The following CEP350 variants were observed in gnomAD, a reference collection of about 807,000 sequenced individuals.
CEP350 encodes centrosomal protein 350.
A neutral mutation model predicts 331.8 loss-of-function variants in CEP350; 126 were observed. The ratio of observed to expected loss-of-function variants is 0.38; its 90% CI spans 0.33 to 0.44. The LOEUF (loss-of-function observed/expected upper bound fraction) is 0.44, where lower values mean the gene tolerates loss of function less well. Among genes scored for constraint, CEP350 ranks in the 20% least tolerant of loss-of-function variants. The pLI is 1.00. For missense variants in CEP350, 3,406 were observed against 3,634.6 expected (o/e 0.94, Z 1.62); for synonymous variants, 1,200 against 1,259.5 (o/e 0.95, Z 1.00).
chr1:180,062,533 CTGAA>C (rs1658286573), intron 26 of CEP350, among the ~76,000 whole-genome samples, 167 bp downstream of exon 26: 1 of 152,142 alleles, frequency 6.6e-6, no homozygotes, highest in South Asian at 2.1e-4. Context: ...GTTGCTATAA[CTGAA>C]TACCTAAGAC....
rs1270583674 is a variant in CEP350 at position 180,075,152 on chromosome 1, T to G, written c.5698T>G (p.Trp1900Gly). The G allele has an allele frequency of 1.7e-5, 27 of 1,613,480 alleles. No individual in the cohort carries two copies. The highest frequency in any genetic ancestry group is 2.3e-5 in the Non-Finnish European group (27 of 1,179,718). The change falls in exon 28 of 38, where the codon TGG becomes GGG. Residue 1900 changes from tryptophan (W) to glycine (G), a missense_variant. Coordinates refer to ENST00000367607, the MANE Select transcript of CEP350 (RefSeq NM_014810.5). ...RQMEKQALAA[W>G]DKELIKPKTP... ...AATGGAAAAACAAGCTTTGGCTGCCTGGGACAAAGAATTAATAAAACCCAA... is the reference window on the plus strand; with the variant it reads ...AATGGAAAAACAAGCTTTGGCTGCCGGGGACAAAGAATTAATAAAACCCAA...
chr1:180,078,743 T>C (rs1310069545), intron 29 of CEP350, 69 bp downstream of exon 29: 4 of 1,315,292 alleles, frequency 3.0e-6, no homozygotes, highest in Non-Finnish European at 4.2e-6. Flanking sequence ...TTAGCAGTTA[T>C]ATTATTGTAA....
chr1:180,012,767 G>A (rs78913976), intron 9 of CEP350, among the ~76,000 whole-genome samples: 12,668 of 152,172 alleles, frequency 0.083, 703 homozygotes, highest in Non-Finnish European at 0.12. Flanking sequence ...AGAAGTCAAT[G>A]TACATATACA....
chr1:180,010,562 A>G (rs1654571348), intron 8 of CEP350, among the ~76,000 whole-genome samples: 1 of 151,088 alleles, frequency 6.6e-6, no homozygotes, highest in Admixed American at 6.6e-5. Context: ...CATTATTTTC[A>G]TTGTCATTCT....
At chr1:180,106,935 T>C (rs1331096729) in intron 37 of CEP350, among the ~76,000 whole-genome samples, 1 of 152,142 alleles carries the variant, frequency 6.6e-6, no homozygotes. Context: ...ACCTTATTTA[T>C]TCCTTCATCT....
chr1:180,109,614 G>A (rs1661366856), intron 37 of CEP350, among the ~76,000 whole-genome samples: 1 of 151,940 alleles, frequency 6.6e-6, no homozygotes. Context: ...ATTTTGTATA[G>A]CAAATCTAAT....
chr1:180,068,929 A>G (rs1658715332), intron 27 of CEP350, among the ~76,000 whole-genome samples: 1 of 152,206 alleles, frequency 6.6e-6, no homozygotes, highest in African/African-American at 2.4e-5. Flanking sequence ...TGACAGTATG[A>G]TATATGTCAA....
At chr1:179,988,630 C>T (rs1258572403) in intron 3 of CEP350, among the ~76,000 whole-genome samples, 1 of 151,904 alleles carries the variant, frequency 6.6e-6, no homozygotes, top group Non-Finnish European at 1.5e-5. Flanking sequence ...TTTAGGAATC[C>T]AAATTTGGCA....
chr1:179,987,316 T>A, intron 3 of CEP350, 30 bp downstream of exon 3: 1 of 1,347,828 alleles, frequency 7.4e-7, no homozygotes, highest in Middle Eastern at 1.8e-4. Flanking sequence ...ATTTATTTAT[T>A]TCTGGATTAA....
At chr1:179,982,656 T>G (rs1204995952) in intron 1 of CEP350, among the ~76,000 whole-genome samples, 1 of 152,204 alleles carries the variant, frequency 6.6e-6, no homozygotes, top group Non-Finnish European at 1.5e-5. Context: ...CAGCACTTAT[T>G]TTAGTTTTAA....
rs917554125 is a variant in CEP350, at chr1:180,096,093, A to G, written c.8975A>G (p.Asn2992Ser). 1.3e-6 allele frequency: 2 copies of G among 1,557,018 alleles called. No individual in the cohort carries two copies. Among genetic ancestry groups the G allele is most frequent in the Admixed American group, 1.9e-5 (1 of 51,294 alleles). ...GAGGAAATATTTGCTGAGGATCCCA[A>G]CTTAAATCAACCTGTCTGGATGAAG... is the stretch of plus-strand genomic sequence containing the variant. Reference protein sequence around the residue: ...IFEEIFAEDPNLNQPVWMKPC... With the variant: ...IFEEIFAEDPSLNQPVWMKPC... Residue 2992 changes from asparagine (N) to serine (S), a missense_variant, in exon 36 of 38, where the codon AAC (asparagine) becomes AGC (serine). Physicochemically the swap from Asn to Ser is conservative, Grantham distance 46. Around this residue, in one of 5 missense-constraint regions of CEP350, gnomAD observed 1,415 missense variants for 1,512.3 expected, o/e 0.94. Transcript: ENST00000367607.
intron 30 of CEP350, among the ~76,000 whole-genome samples, chr1:180,083,316 T>G (rs985378802): frequency 1.3e-5 from 2 of 152,238 alleles, no homozygotes; most frequent in African/African-American, 4.8e-5. Context: ...GATACCTGTT[T>G]GTTTTCATAG....
chr1:180,006,748 T>C (rs763298814), intron 8 of CEP350, among the ~76,000 whole-genome samples, 181 bp downstream of exon 8: 2 of 152,200 alleles, frequency 1.3e-5, no homozygotes, highest in Non-Finnish European at 2.9e-5. Context: ...CCTAATGCTA[T>C]CCCTCTCCTG....
intron 25 of CEP350, among the ~76,000 whole-genome samples, chr1:180,058,922 A>T (rs182763866): frequency 6.6e-6 from 1 of 152,210 alleles, no homozygotes; most frequent in Admixed American, 6.5e-5. Flanking sequence ...AAGAGAGACC[A>T]TATTTTCCTA....
rs1396418254 is a variant in CEP350 at position 179,973,992 on chromosome 1, C to G, written c.-13-12177C>G. On this transcript the variant is annotated intron_variant, in intron 1 of 37. Coordinates refer to ENST00000367607, the MANE Select transcript of CEP350 (RefSeq NM_014810.5). ...TTGACCCATCATACCTCCTTCTTCA[C>G]CATTCATCCTTCCACTGGCAGCTGT... Among the ~76,000 whole-genome samples the G allele has an allele frequency of 3.3e-5, 5 of 151,834 alleles. No homozygotes were observed. In the East Asian group the frequency reaches 9.7e-4, roughly 29 times the overall value.
In CEP350 at chr1:180,112,671, A is replaced by C. The variant is rs1661517416; in HGVS notation, c.*1510A>C. On this transcript the variant is annotated 3_prime_UTR_variant, in exon 38 of 38. Coordinates refer to ENST00000367607, the MANE Select transcript of CEP350 (RefSeq NM_014810.5). The stretch of plus-strand genomic sequence containing the variant: ...GTTAGAAGCATGATACAAGACATCT[A>C]CTGGATTCATATTTACAAATATCCT... 6.6e-6 allele frequency: 1 copy of C among 152,652 alleles called. No homozygotes were observed. Among genetic ancestry groups the C allele is most frequent in the Admixed American group, 6.5e-5 (1 of 15,280 alleles). The allele number at this position is 152,652 out of a possible 1,614,324, so 9.5% of individuals were successfully genotyped here.
intron 1 of CEP350, among the ~76,000 whole-genome samples, chr1:179,964,728 C>G: frequency 6.7e-6 from 1 of 149,700 alleles, no homozygotes; most frequent in Middle Eastern, 3.2e-3. Context: ...GTTCTGTCAC[C>G]TTTGTCATTT....
rs142626847 is a variant in CEP350, at chr1:180,058,554, G to A, written c.5263-3666G>A. Among the ~76,000 whole-genome samples, 13 of 152,220 alleles carry A rather than the reference G, an allele frequency of 8.5e-5. No individual in the cohort carries two copies. The East Asian group carries it at 2.5e-3, about 29-fold the overall frequency. On this transcript the variant is annotated intron_variant, in intron 25 of 37. Coordinates refer to ENST00000367607, the MANE Select transcript of CEP350 (RefSeq NM_014810.5). ...ACATATAGAAATGATACACTTCTGG[G>A]GAAGAGAGGAAGGAGGAAGAGATTG... is the stretch of plus-strand genomic sequence containing the variant.
At position 180,065,267 on chromosome 1, in the gene CEP350, T is replaced by C. The variant is rs773814786; in HGVS notation, c.5562T>C (p.Asp1854=). The change falls in exon 27 of 38, where the codon GAT becomes GAC. Residue 1854 remains aspartate, a synonymous_variant. Coordinates refer to ENST00000367607, the MANE Select transcript of CEP350 (RefSeq NM_014810.5). ...QKLKKMRSRM[D]EKFLTKREQK... The stretch of plus-strand genomic sequence containing the variant: ...TGAAGAAAATGAGAAGCCGCATGGA[T>C]GAAAAGTATTTGTTTTTTATAAATA... The C allele has an allele frequency of 6.2e-7, 1 of 1,602,574 alleles. No homozygotes were observed. The highest frequency in any genetic ancestry group is 8.5e-7 in the Non-Finnish European group (1 of 1,176,990).
Sources: allele counts gnomAD v4.1 joint callset (sites outside exome capture counted in the v4.1 genomes callset), GRCh38; gene constraint gnomAD v4.1.1; regional missense constraint gnomAD v4.1.1; transcripts MANE v1.5; gene names NCBI Gene and HGNC (gene_info 2026-07-23, HGNC 2026-07-21).